The following NRXN1 variants were observed in gnomAD, a reference collection of about 807,000 sequenced individuals.
The protein encoded by NRXN1 is neurexin 1, also known as neurexin-1.
Under a neutral mutation model 150.9 loss-of-function variants are expected in NRXN1, and 39 were observed. The ratio of observed to expected loss-of-function variants is 0.26; its 90% CI spans 0.20 to 0.34. The LOEUF is 0.34. NRXN1 is among the 10% of genes least tolerant of loss of function. The pLI is 1.00. For missense variants in NRXN1, 1,815 were observed against 1,949.9 expected (o/e 0.93, Z 1.30); for synonymous variants, 924 against 757.0 (o/e 1.22, Z -3.62).
At chr2:50,103,596 T>C (rs1213969496) in intron 18 of NRXN1, among the ~76,000 whole-genome samples, 1 of 151,970 alleles carries the variant, frequency 6.6e-6, no homozygotes. Context: ...TAAATGAGCA[T>C]TTGCCCTGAA....
In NRXN1 at chr2:49,959,101, A is replaced by G. The variant is rs72885898; in HGVS notation, c.4129-15310T>C. ...GAATCTCAGTAATATTTTCACTATG[A>G]TAATTTTCAAATGGGCTTTTCTTAT... On this transcript the variant is annotated intron_variant, in intron 21 of 22. Transcript: ENST00000401669. 5.7e-3 allele frequency among the ~76,000 whole-genome samples: 871 copies of G among 152,284 alleles called. 7 individuals are homozygous for G. The highest frequency in any genetic ancestry group is 0.02 in the African/African-American group (842 of 41,572).
At chr2:50,293,624 C>T (rs919181388) in intron 17 of NRXN1, among the ~76,000 whole-genome samples, 1 of 152,104 alleles carries the variant, frequency 6.6e-6, no homozygotes, top group African/African-American at 2.4e-5. Flanking sequence ...AGACATGATA[C>T]ACTGGTATAA....
At chr2:50,992,791 G>A (rs561665337) in intron 2 of NRXN1, among the ~76,000 whole-genome samples, 1 of 151,968 alleles carries the variant, frequency 6.6e-6, no homozygotes, top group East Asian at 1.9e-4. Flanking sequence ...AGTGATGCAT[G>A]GGGAGAGAAT....
At chr2:50,181,123 G>A (rs1416432024) in intron 18 of NRXN1, among the ~76,000 whole-genome samples, 1 of 152,014 alleles carries the variant, frequency 6.6e-6, no homozygotes, top group African/African-American at 2.4e-5. Context: ...TTAGAGCTCA[G>A]TAGCTTTAAC....
intron 5 of NRXN1, among the ~76,000 whole-genome samples, chr2:50,882,309 A>T (rs11688851): frequency 0.46 from 69,032 of 151,712 alleles, 16,997 homozygotes; most frequent in Non-Finnish European, 0.56. Context: ...TTTTTCCAAC[A>T]TTTCCTCTGG....
chr2:50,273,110 G>C (rs908436516), intron 17 of NRXN1, among the ~76,000 whole-genome samples: 8 of 152,020 alleles, frequency 5.3e-5, no homozygotes, highest in African/African-American at 1.7e-4. Context: ...ACGACATTGA[G>C]GTACCATTGG....
chr2:50,143,843 G>A (rs563102630), intron 18 of NRXN1, among the ~76,000 whole-genome samples: 1 of 151,874 alleles, frequency 6.6e-6, no homozygotes, highest in African/African-American at 2.4e-5. Flanking sequence ...TTTTTTAATG[G>A]ATTTACTGAT....
chr2:50,156,505 A>G (rs1426457592), intron 18 of NRXN1, among the ~76,000 whole-genome samples: 2 of 151,972 alleles, frequency 1.3e-5, no homozygotes, highest in Non-Finnish European at 2.9e-5. Context: ...GGTTACCTCA[A>G]TGTTCAAACA....
intron 5 of NRXN1, among the ~76,000 whole-genome samples, chr2:50,701,874 T>C (rs1392795690): frequency 6.6e-6 from 1 of 152,130 alleles, no homozygotes; most frequent in Non-Finnish European, 1.5e-5. Context: ...TCACAGTTAG[T>C]TTTTTACTAT....
chr2:50,835,513 T>G (rs1422747305), intron 5 of NRXN1, among the ~76,000 whole-genome samples: 2 of 152,186 alleles, frequency 1.3e-5, no homozygotes, highest in African/African-American at 4.8e-5. Flanking sequence ...TAGATTAATC[T>G]TAGCCTCTGA....
chr2:50,692,878 G>A (rs1005394822), intron 5 of NRXN1, among the ~76,000 whole-genome samples: 1 of 151,956 alleles, frequency 6.6e-6, no homozygotes, highest in Admixed American at 6.6e-5. Context: ...TGTGACTATT[G>A]GTCCTGCATC....
At chr2:50,281,148 C>CAAAAAAAA (rs70946898) in intron 17 of NRXN1, among the ~76,000 whole-genome samples, 1 of 107,144 alleles carries the variant, frequency 9.3e-6, no homozygotes, top group African/African-American at 3.4e-5. Context: ...ACTAAAAATA[C>CAAAAAAAA]AAAAAAAAAA....
chr2:50,699,541 G>T (rs1693431123), intron 5 of NRXN1, among the ~76,000 whole-genome samples: 1 of 151,984 alleles, frequency 6.6e-6, no homozygotes, highest in African/African-American at 2.4e-5. Context: ...GACAGAGGAA[G>T]GGGCACCTGG....
chr2:51,016,939 T>G (rs1189086045), intron 2 of NRXN1, among the ~76,000 whole-genome samples: 1 of 151,998 alleles, frequency 6.6e-6, no homozygotes, highest in Non-Finnish European at 1.5e-5. Flanking sequence ...AAAGGATGAG[T>G]TCATGTCCTT....
chr2:50,197,564 T>G (rs2152829723), intron 18 of NRXN1, among the ~76,000 whole-genome samples: 1 of 152,302 alleles, frequency 6.6e-6, no homozygotes, highest in East Asian at 1.9e-4. Context: ...GATGTTTTGC[T>G]TTAAAAAGTT....
intron 17 of NRXN1, among the ~76,000 whole-genome samples, chr2:50,436,340 C>A (rs896018526): frequency 5.3e-5 from 8 of 152,078 alleles, no homozygotes; most frequent in African/African-American, 1.9e-4. Context: ...GTAATCCCAG[C>A]TACTTGGGAA....
At chr2:50,409,034 G>GC (rs1553564434) in intron 17 of NRXN1, among the ~76,000 whole-genome samples, 2 of 152,110 alleles carry the variant, frequency 1.3e-5, no homozygotes, top group Non-Finnish European at 2.9e-5. Flanking sequence ...TTTTTCAAGG[G>GC]GAGGGGAGGG....
At chr2:50,088,191 C>T (rs1228214001) in intron 19 of NRXN1, among the ~76,000 whole-genome samples, 2 of 152,138 alleles carry the variant, frequency 1.3e-5, no homozygotes, top group Admixed American at 6.5e-5. Context: ...CACCGTGTCA[C>T]AAAAACTTTA....
chr2:50,725,356 C>A (rs530021755), intron 5 of NRXN1, among the ~76,000 whole-genome samples: 42 of 150,028 alleles, frequency 2.8e-4, no homozygotes, highest in African/African-American at 8.6e-4. Flanking sequence ...AAAAAAAAAA[C>A]CCACAAAACT....
Sources: gnomAD v4.1 joint callset for allele counts (sites outside exome capture counted in the v4.1 genomes callset) on GRCh38, gnomAD v4.1.1 for gene constraint, MANE v1.5 for transcripts, NCBI Gene and HGNC (gene_info 2026-07-23, HGNC 2026-07-21) for gene names.